NAALADL2: variants seen among roughly 807,000 people sequenced by gnomAD.
NAALADL2 encodes the protein N-acetylated alpha-linked acidic dipeptidase like 2.
In NAALADL2, 76 loss-of-function variants were observed where a neutral mutation model predicts 87.2. The observed-to-expected ratio is 0.87, with a 90% CI of 0.72 to 1.05. NAALADL2 has a LOEUF of 1.05. NAALADL2 is among the 50% of genes least tolerant of loss of function. NAALADL2 has a pLI of 0.00. For synonymous variants in NAALADL2, 354 were observed against 331.0 expected (o/e 1.07, Z -0.75); for missense variants, 1,089 against 945.8 (o/e 1.15, Z -1.99).
intron 1 of NAALADL2, among the ~76,000 whole-genome samples, chr3:175,009,379 TA>T (rs1749479162): frequency 6.6e-6 from 1 of 152,126 alleles, no homozygotes; most frequent in South Asian, 2.1e-4. Flanking sequence ...TTATATATAT[TA>T]AAATGTTAAC....
At chr3:174,885,674 C>T (rs1730001678) in intron 1 of NAALADL2, among the ~76,000 whole-genome samples, 1 of 151,976 alleles carries the variant, frequency 6.6e-6, no homozygotes, top group Non-Finnish European at 1.5e-5. Flanking sequence ...TACAAAAGAA[C>T]TCCATCCTTA....
In NAALADL2 at chr3:175,806,604, A is replaced by T. The variant is rs1754722899; in HGVS notation, c.*3401A>T. 6.6e-6 allele frequency: 1 copy of T among 151,484 alleles called. No homozygotes were observed. The highest frequency in any genetic ancestry group is 1.9e-4 in the East Asian group (1 of 5,132). The allele number at this position is 151,484 out of a possible 1,614,324, so 9.4% of individuals were successfully genotyped here. A position where few individuals can be genotyped will look rare whatever the true frequency, so the allele number is the denominator to read the frequency against. ...GAGAAAAGAAAAGTGGACCCATTTTATCTCTAAGAAAACAATTCAGTTGCA... is the reference window on the plus strand; with the variant it reads ...GAGAAAAGAAAAGTGGACCCATTTTTTCTCTAAGAAAACAATTCAGTTGCA... On this transcript the variant is annotated 3_prime_UTR_variant, in exon 14 of 14. Transcript: ENST00000454872.
intron 11 of NAALADL2, among the ~76,000 whole-genome samples, chr3:175,661,157 G>A (rs571499936): frequency 1.2e-4 from 18 of 151,938 alleles, no homozygotes; most frequent in African/African-American, 3.4e-4. Context: ...ACCAACACTC[G>A]TTATTTTTTG....
Position 175,806,276 on chromosome 3 carries a change from A to G in NAALADL2, c.*3073A>G, listed in dbSNP as rs1754693751. 1 of 151,906 alleles carries G rather than the reference A, an allele frequency of 6.6e-6. No homozygotes were observed. Among genetic ancestry groups the G allele is most frequent in the Non-Finnish European group, 1.5e-5 (1 of 67,878 alleles). The allele number at this position is 151,906 out of a possible 1,614,324, so 9.4% of individuals were successfully genotyped here. On this transcript the variant is annotated 3_prime_UTR_variant, in exon 14 of 14. Coordinates refer to ENST00000454872, the MANE Select transcript of NAALADL2 (RefSeq NM_207015.3). ...GAGAGAAAGTGGGGAGAATCCTTACAGAACACCAGAAGTCAGGAAGAAGGA... is the reference window on the plus strand; with the variant it reads ...GAGAGAAAGTGGGGAGAATCCTTACGGAACACCAGAAGTCAGGAAGAAGGA...
chr3:174,486,413 C>T (rs1226379552), intron 1 of NAALADL2, among the ~76,000 whole-genome samples: 1 of 152,046 alleles, frequency 6.6e-6, no homozygotes, highest in Non-Finnish European at 1.5e-5. Context: ...GCTGGGTCCC[C>T]CTAGTGCTTT....
chr3:175,321,964 C>G (rs1228469443), intron 4 of NAALADL2, among the ~76,000 whole-genome samples: 1 of 151,604 alleles, frequency 6.6e-6, no homozygotes, highest in African/African-American at 2.4e-5. Flanking sequence ...CAATGACTTT[C>G]TTCACAGAAC....
At chr3:174,960,564 T>A (rs1028333707) in intron 1 of NAALADL2, among the ~76,000 whole-genome samples, 5 of 152,042 alleles carry the variant, frequency 3.3e-5, no homozygotes, top group Admixed American at 3.3e-4. Flanking sequence ...TATAAGAAAA[T>A]GTGCCAATAG....
At position 174,570,390 on chromosome 3, in the gene NAALADL2, G is replaced by A. The variant is rs151080055; in HGVS notation, c.-115+19753G>A. Among the ~76,000 whole-genome samples the A allele has an allele frequency of 1.0e-3, 152 of 152,092 alleles. 2 individuals are homozygous for A. In the East Asian group the frequency reaches 0.019, roughly 19 times the overall value. On this transcript the variant is annotated intron_variant, in intron 2 of 3. Coordinates refer to the NAALADL2 transcript ENST00000434257. ...TGGATTAAATTGAGCTCATAATTAAGTAAGAAATAAATAGGACATTACAGG... is the reference window on the plus strand; with the variant it reads ...TGGATTAAATTGAGCTCATAATTAAATAAGAAATAAATAGGACATTACAGG...
intron 1 of NAALADL2, among the ~76,000 whole-genome samples, chr3:174,450,891 A>AT (rs1366878368): frequency 1.4e-5 from 2 of 147,260 alleles, no homozygotes; most frequent in Non-Finnish European, 3.0e-5. Flanking sequence ...AAAAAAAAAA[A>AT]AAGAAAGAAA....
At chr3:174,523,996 C>T (rs996847607) in intron 1 of NAALADL2, among the ~76,000 whole-genome samples, 2 of 151,764 alleles carry the variant, frequency 1.3e-5, no homozygotes, top group Admixed American at 1.3e-4. Flanking sequence ...TATACTTGGT[C>T]TCTTTATTTC....
intron 5 of NAALADL2, among the ~76,000 whole-genome samples, chr3:175,339,251 A>G (rs1489137371): frequency 6.6e-6 from 1 of 152,244 alleles, no homozygotes; most frequent in African/African-American, 2.4e-5. Context: ...TAGGTTGGAC[A>G]GGAGGATCCT....
At chr3:175,343,674 T>TTTTTTTTTTTTTTTTTTTTTTTTTTTTG in intron 5 of NAALADL2, among the ~76,000 whole-genome samples, 1 of 147,132 alleles carries the variant, frequency 6.8e-6, no homozygotes, top group Non-Finnish European at 1.5e-5. Context: ...TTTTTTTTTT[T>TTTTTTTTTTTTTTTTTTTTTTTTTTTTG]TTCCCTTCCC....
chr3:175,161,821 G>A (rs958276633), intron 2 of NAALADL2, among the ~76,000 whole-genome samples: 3 of 152,116 alleles, frequency 2.0e-5, no homozygotes, highest in East Asian at 3.8e-4. Context: ...TTGGCGGTCT[G>A]TGTCTGTCAA....
intron 1 of NAALADL2, among the ~76,000 whole-genome samples, chr3:174,493,896 T>C (rs940557321): frequency 7.9e-5 from 12 of 152,224 alleles, no homozygotes; most frequent in African/African-American, 2.9e-4. Context: ...AATTAAAATA[T>C]TGTTTGAAAA....
chr3:175,667,080 G>A (rs1341234415), intron 11 of NAALADL2, among the ~76,000 whole-genome samples: 1 of 148,304 alleles, frequency 6.7e-6, no homozygotes, highest in African/African-American at 2.5e-5. Flanking sequence ...ACTTAAATCT[G>A]TGCTGGCAAG....
intron 2 of NAALADL2, among the ~76,000 whole-genome samples, chr3:175,158,742 A>G (rs1732699497): frequency 6.6e-6 from 1 of 152,138 alleles, no homozygotes; most frequent in Non-Finnish European, 1.5e-5. Flanking sequence ...AAAAAGGAGC[A>G]AAGAGAATTT....
At chr3:174,526,920 A>G (rs925235160) in intron 1 of NAALADL2, among the ~76,000 whole-genome samples, 5 of 151,988 alleles carry the variant, frequency 3.3e-5, no homozygotes, top group African/African-American at 1.2e-4. Flanking sequence ...TAAGTGATCC[A>G]TCTGTCTCGC....
chr3:175,157,171 T>A (rs973747254), intron 2 of NAALADL2, among the ~76,000 whole-genome samples: 1 of 152,156 alleles, frequency 6.6e-6, no homozygotes, highest in African/African-American at 2.4e-5. Flanking sequence ...ATACTTATAT[T>A]AACCTTGGAA....
chr3:175,428,532 G>A (rs1172762939), intron 5 of NAALADL2, among the ~76,000 whole-genome samples: 6 of 152,074 alleles, frequency 3.9e-5, no homozygotes, highest in Non-Finnish European at 7.4e-5. Context: ...CATGTGGAGT[G>A]TGTGGAGAAT....
Sources: allele counts gnomAD v4.1 joint callset (sites outside exome capture counted in the v4.1 genomes callset), GRCh38; gene constraint gnomAD v4.1.1; transcripts MANE v1.5; gene names NCBI Gene and HGNC (gene_info 2026-07-23, HGNC 2026-07-21).